Variants in RUVBL1 observed in about 807,000 individuals in gnomAD.
The protein encoded by RUVBL1 is RuvB like AAA ATPase 1.
RUVBL1 carries 4 observed loss-of-function variants against 52.4 expected under a neutral mutation model. The ratio of observed to expected loss-of-function variants is 0.08; its 90% CI spans 0.04 to 0.17. The LOEUF (loss-of-function observed/expected upper bound fraction) is 0.17, where lower values mean the gene tolerates loss of function less well. Among genes scored for constraint, RUVBL1 ranks in the 10% least tolerant of loss-of-function variants. The pLI is 1.00. For synonymous variants in RUVBL1, 217 were observed against 214.4 expected, an observed-to-expected ratio of 1.01 and a Z score of -0.10; for missense variants, 298 against 572.8, an observed-to-expected ratio of 0.52 and a Z score of 4.90.
At chr3:128,130,965 TTTTA>T (rs1447668190) in intron 1 of RUVBL1, among the ~76,000 whole-genome samples, 1 of 151,804 alleles carries the variant, frequency 6.6e-6, no homozygotes, top group Non-Finnish European at 1.5e-5. Flanking sequence ...TTTTTTTCAA[TTTTA>T]TTTGCCAGGC....
At chr3:128,124,810 A>G (rs1220322076), upstream of RUVBL1, among the ~76,000 whole-genome samples, 3 of 152,136 alleles carry the variant, frequency 2.0e-5, no homozygotes, top group Non-Finnish European at 2.9e-5. Flanking sequence ...CATGAAGGTG[A>G]TGTTGCCTTG....
downstream of RUVBL1, among the ~76,000 whole-genome samples, chr3:128,079,689 G>A (rs1942419378): frequency 6.6e-6 from 1 of 152,232 alleles, no homozygotes; most frequent in Admixed American, 6.5e-5. Context: ...CAGGCCGAGG[G>A]AGAAGATTCA....
At chr3:128,080,042 C>T (rs1278070850), downstream of RUVBL1, among the ~76,000 whole-genome samples, 2 of 152,208 alleles carry the variant, frequency 1.3e-5, no homozygotes, top group Non-Finnish European at 2.9e-5. Context: ...GAACGCAGCT[C>T]TCATCCTACT....
chr3:128,069,430 G>A (rs1398073400), intron 9 of RUVBL1: 1 of 1,577,254 alleles, frequency 6.3e-7, no homozygotes, highest in African/African-American at 1.3e-5. Flanking sequence ...CTGGCTCACG[G>A]GGAGCTCTGT....
chr3:128,119,377 T>A lies in RUVBL1; in HGVS notation c.179A>T (p.Lys60Ile). The A allele has an allele frequency of 6.2e-7, 1 of 1,614,106 alleles. No homozygotes were observed. Residue 60 changes from lysine (K) to isoleucine (I), a missense_variant, in exon 2 of 11, where the codon AAA (lysine) becomes ATA (isoleucine). Lys to Ile is a moderately radical substitution (Grantham distance 102, BLOSUM62 -3). Coordinates refer to ENST00000322623, the MANE Select transcript of RUVBL1 (RefSeq NM_003707.3). Reference sequence around the variant, plus strand: ...CAACAAGACAGCTCTTCCAGCCATTTTCTTGCTTTTGATTAATTCTACTAT... The same window carrying A: ...CAACAAGACAGCTCTTCCAGCCATTATCTTGCTTTTGATTAATTCTACTAT... Reference protein sequence around the residue: ...GVIVELIKSKKMAGRAVLLAG... With the variant: ...GVIVELIKSKIMAGRAVLLAG...
chr3:128,086,564 A>G (rs1456337226), intron 9 of RUVBL1, among the ~76,000 whole-genome samples: 1 of 152,264 alleles, frequency 6.6e-6, no homozygotes, highest in Admixed American at 6.5e-5. Flanking sequence ...GGCAGAGGAA[A>G]GAGCACAGCA....
chr3:128,069,386 A>G lies in RUVBL1; in HGVS notation c.940-4166T>C. 4 of 1,219,284 alleles carry G rather than the reference A, an allele frequency of 3.3e-6. No homozygotes were observed. In the South Asian group the frequency reaches 4.1e-5, roughly 13 times the overall value. 75.5% of individuals were successfully genotyped at this position (1,219,284 alleles called of 1,614,324 possible). On this transcript the variant is annotated intron_variant, in intron 9 of 9. Coordinates refer to the RUVBL1 transcript ENST00000464873. ...ACAGCAGAGGGGCCTTTGAGGCATT[A>G]GGTCCCAAAGTCTCAGGTGAGCCTG...
rs1389469329 is a variant in RUVBL1 at position 128,067,333 on chromosome 3, AT to A, written c.940-2114del. 1 of 1,423,854 alleles carries A rather than the reference AT, an allele frequency of 7.0e-7. No individual in the cohort carries two copies. The highest frequency in any genetic ancestry group is 9.6e-7 in the Non-Finnish European group (1 of 1,042,142). 88.2% of individuals were successfully genotyped at this position (1,423,854 alleles called of 1,614,324 possible). On this transcript the variant is annotated intron_variant, in intron 9 of 9. Transcript: ENST00000464873. The surrounding 1 kb of genome is among the most constrained non-coding windows in gnomAD (Gnocchi z 4.1). ...TACTGTGGGCACCGAGTAAAATTGC[AT>A]TCTTTCATCTGCTCAGAACTATTTT...
chr3:128,071,950 C>T lies in RUVBL1; in HGVS notation c.940-6730G>A, dbSNP rs193185475. 2.9e-3 allele frequency among the ~76,000 whole-genome samples: 443 copies of T among 152,364 alleles called. 3 individuals are homozygous for T. Among genetic ancestry groups the T allele is most frequent in the South Asian group, 0.016 (79 of 4,830 alleles). On this transcript the variant is annotated intron_variant, in intron 9 of 9. Coordinates refer to the RUVBL1 transcript ENST00000464873. ...GGCTGTCCCGTGAGAATGCAGAGGC[C>T]TCCGCTGAGCCAGGGCGCCTGCCAC...
At chr3:128,065,254 A>G in intron 9 of RUVBL1, 1 of 631,248 alleles carries the variant, frequency 1.6e-6, no homozygotes, top group Non-Finnish European at 2.8e-6. Context: ...AGGCAGTTCT[A>G]ACGTAAGTGA....
chr3:128,073,226 C>T (rs1343159223), intron 9 of RUVBL1, among the ~76,000 whole-genome samples: 2 of 152,180 alleles, frequency 1.3e-5, no homozygotes, highest in Non-Finnish European at 2.9e-5. Context: ...AGGCCCCACC[C>T]CCGGAGCTTC....
downstream of RUVBL1, chr3:128,075,989 G>C (rs767236470): frequency 6.6e-6 from 1 of 152,664 alleles, no homozygotes; most frequent in East Asian, 1.9e-4. Flanking sequence ...ACTCGCGCCC[G>C]GCTGTCCCTG....
chr3:128,150,633 T>C (rs1479484179), intron 1 of RUVBL1, among the ~76,000 whole-genome samples: 3 of 135,250 alleles, frequency 2.2e-5, no homozygotes, highest in South Asian at 2.2e-4. Flanking sequence ...TCTATGTATA[T>C]ATTCTATACA....
At chr3:128,065,236 CA>C (rs1301556264) in intron 9 of RUVBL1, 1 of 674,634 alleles carries the variant, frequency 1.5e-6, no homozygotes, top group Admixed American at 2.3e-5. Context: ...ATTAACGAAA[CA>C]AAATTAAGGC....
downstream of RUVBL1, among the ~76,000 whole-genome samples, chr3:128,079,767 C>T (rs1337414374): frequency 6.6e-6 from 1 of 152,238 alleles, no homozygotes; most frequent in Non-Finnish European, 1.5e-5. Flanking sequence ...TCCGCCCCCT[C>T]CCACTGTCCC....
intron 8 of RUVBL1, among the ~76,000 whole-genome samples, chr3:128,095,901 C>T (rs1230673089): frequency 2.0e-5 from 3 of 152,206 alleles, no homozygotes; most frequent in Non-Finnish European, 4.4e-5. Flanking sequence ...ACTACAGGTG[C>T]ATACCACTGT....
At position 128,067,310 on chromosome 3, in the gene RUVBL1, C is replaced by T. The variant is rs1942010816; in HGVS notation, c.940-2090G>A. 3 of 1,320,624 alleles carry T rather than the reference C, an allele frequency of 2.3e-6. No individual in the cohort carries two copies. The highest frequency in any genetic ancestry group is 4.2e-5 in the Admixed American group (2 of 47,980). 81.8% of individuals were successfully genotyped at this position (1,320,624 alleles called of 1,614,324 possible). On this transcript the variant is annotated intron_variant, in intron 9 of 9. Coordinates refer to the RUVBL1 transcript ENST00000464873. The surrounding 1 kb of genome is among the most constrained non-coding windows in gnomAD (Gnocchi z 4.1). ...TTATCTTTTCAGTAAAAAAATTGTA[C>T]TGTGGGCACCGAGTAAAATTGCATT...
At chr3:128,076,618 T>C (rs537940150), downstream of RUVBL1, among the ~76,000 whole-genome samples, 1 of 152,104 alleles carries the variant, frequency 6.6e-6, no homozygotes, top group South Asian at 2.1e-4. This position sits in a 1 kb window ranked among gnomAD's most constrained non-coding sequence, Gnocchi z 6.8. Context: ...GAGGTCACAG[T>C]AGGTGTGGTC....
chr3:128,096,199 C>G (rs1393865569), intron 8 of RUVBL1, among the ~76,000 whole-genome samples: 6 of 152,192 alleles, frequency 3.9e-5, no homozygotes, highest in African/African-American at 1.4e-4. Context: ...GCCCCCAGCA[C>G]TGCAGAGACC....
Sources: allele counts gnomAD v4.1 joint callset (sites outside exome capture counted in the v4.1 genomes callset), GRCh38; gene constraint gnomAD v4.1.1; non-coding constraint Gnocchi (gnomAD v3.1); transcripts MANE v1.5; gene names NCBI Gene and HGNC (gene_info 2026-07-23, HGNC 2026-07-21).